SPATA7: variants seen among roughly 807,000 people sequenced by gnomAD.
SPATA7 encodes the protein spermatogenesis-associated protein 7.
In SPATA7, 43 loss-of-function variants were observed where a neutral mutation model predicts 51.8. The observed-to-expected ratio is 0.83, with a 90% confidence interval of 0.65 to 1.07. The LOEUF (loss-of-function observed/expected upper bound fraction) is 1.07, where lower values mean the gene tolerates loss of function less well. Among genes scored for constraint, SPATA7 ranks in the 50% least tolerant of loss-of-function variants. SPATA7 has a pLI of 0.00. For missense variants in SPATA7, 683 were observed against 701.3 expected (o/e 0.97, Z 0.30); for synonymous variants, 230 against 252.8 (o/e 0.91, Z 0.86).
downstream of SPATA7, among the ~76,000 whole-genome samples, chr14:88,440,404 TA>T (rs2077170396): frequency 6.6e-6 from 1 of 152,216 alleles, no homozygotes; most frequent in Non-Finnish European, 1.5e-5. Context: ...CTTTAAGTTT[TA>T]AAAGGTGAGT....
intron 2 of SPATA7, among the ~76,000 whole-genome samples, chr14:88,391,918 TC>T (rs2075757460): frequency 6.6e-6 from 1 of 152,260 alleles, no homozygotes; most frequent in African/African-American, 2.4e-5. Flanking sequence ...TTTAAAGCTT[TC>T]AAGGTACATT....
At chr14:88,442,701 T>C (rs893987447), downstream of SPATA7, among the ~76,000 whole-genome samples, 4 of 152,150 alleles carry the variant, frequency 2.6e-5, no homozygotes, top group African/African-American at 9.7e-5. Flanking sequence ...TAGGATTTCG[T>C]TGAGGATTTT....
intron 9 of SPATA7, chr14:88,432,637 T>G (rs983113504): frequency 2.6e-5 from 4 of 152,312 alleles, no homozygotes; most frequent in African/African-American, 9.6e-5. Context: ...TTCTCAACCT[T>G]AAAACAAGAT....
chr14:88,412,519 G>A (rs573110181), intron 4 of SPATA7, among the ~76,000 whole-genome samples: 8 of 152,098 alleles, frequency 5.3e-5, no homozygotes, highest in South Asian at 4.2e-4. Flanking sequence ...CTTTATGTTC[G>A]CTCGCAGCTG....
intron 3 of SPATA7, chr14:88,393,700 T>C (rs930161577): frequency 2.5e-6 from 1 of 394,958 alleles, no homozygotes; most frequent in Admixed American, 4.1e-5. Context: ...ATATTGCCTA[T>C]TTTATTTCGT....
rs1276801449 is a variant in SPATA7, at chr14:88,437,907, A to C, written c.1285A>C (p.Lys429Gln). 1 of 1,611,614 alleles carries C rather than the reference A, an allele frequency of 6.2e-7. No individual in the cohort carries two copies. Among genetic ancestry groups the C allele is most frequent in the Admixed American group, 1.7e-5 (1 of 59,792 alleles). The change falls in exon 12 of 12, where the codon AAG (lysine) becomes CAG (glutamine). Residue 429 changes from lysine (K) to glutamine (Q), a missense_variant. Lys to Gln is a moderately conservative substitution (Grantham distance 53, BLOSUM62 1). Transcript: ENST00000393545. ...CTGCACATCGGAGGAAAACTCGGTAAAGCAAAATGATGTTGATATGTTGAA... is the reference window on the plus strand; with the variant it reads ...CTGCACATCGGAGGAAAACTCGGTACAGCAAAATGATGTTGATATGTTGAA... Reference protein sequence around the residue: ...LGCTSEENSVKQNDVDMLNVF... With the variant: ...LGCTSEENSVQQNDVDMLNVF...
intron 4 of SPATA7, among the ~76,000 whole-genome samples, chr14:88,398,470 G>T (rs1287150426): frequency 7.8e-6 from 1 of 128,078 alleles, no homozygotes; most frequent in Non-Finnish European, 1.6e-5. Context: ...CACACTCTGG[G>T]GACTGTTGTG....
intron 4 of SPATA7, among the ~76,000 whole-genome samples, chr14:88,407,289 ACT>A (rs2076225381): frequency 1.3e-5 from 2 of 152,126 alleles, no homozygotes; most frequent in Admixed American, 6.5e-5. Context: ...TTGTTTCCTG[ACT>A]TTTTAATGAT....
At chr14:88,451,465 G>A (rs772391430) in intron 3 of SPATA7, among the ~76,000 whole-genome samples, 2 of 151,744 alleles carry the variant, frequency 1.3e-5, no homozygotes, top group Non-Finnish European at 2.9e-5. Flanking sequence ...CACTGCTCCC[G>A]GCCGTGATTG....
chr14:88,430,030 G>A (rs994319234), intron 8 of SPATA7, among the ~76,000 whole-genome samples: 19 of 151,924 alleles, frequency 1.3e-4, no homozygotes, highest in Non-Finnish European at 2.5e-4. Context: ...GAGTAATTAA[G>A]GAATATTATA....
At chr14:88,465,928 T>C (rs1200301633) in intron 4 of SPATA7, 1 of 151,314 alleles carries the variant, frequency 6.6e-6, no homozygotes, top group African/African-American at 2.5e-5. Context: ...AGTTTACTTA[T>C]CAAATTATTA....
intron 10 of SPATA7, among the ~76,000 whole-genome samples, chr14:88,437,173 C>T (rs556080215): frequency 6.7e-6 from 1 of 150,082 alleles, no homozygotes; most frequent in East Asian, 2.0e-4. Context: ...TATAAAATAT[C>T]TCTGTAAGAG....
At chr14:88,427,603 A>G in intron 6 of SPATA7, 27 bp from the exon 7 acceptor site, 1 of 1,496,794 alleles carries the variant, frequency 6.7e-7, no homozygotes, top group South Asian at 1.2e-5. Flanking sequence ...TGAAGGATTA[A>G]CAATTATTTA....
chr14:88,408,686 G>A (rs777323361), intron 4 of SPATA7, among the ~76,000 whole-genome samples: 9 of 147,134 alleles, frequency 6.1e-5, no homozygotes, highest in East Asian at 1.9e-4. Context: ...GTCTTGGGCC[G>A]GTTTTCAAAG....
chr14:88,460,853 C>G (rs766259857), intron 4 of SPATA7, among the ~76,000 whole-genome samples: 3 of 152,308 alleles, frequency 2.0e-5, no homozygotes, highest in African/African-American at 7.2e-5. Flanking sequence ...TCTATCTCTG[C>G]TCTTTGATGA....
Position 88,393,451 on chromosome 14 carries a change from C to T in SPATA7, c.153C>T (p.His51=), listed in dbSNP as rs764829955. 1.9e-6 allele frequency: 3 copies of T among 1,605,304 alleles called. No homozygotes were observed. In the African/African-American group the frequency reaches 4.0e-5, roughly 21 times the overall value. The change falls in exon 3 of 12, where the codon CAC becomes CAT. Residue 51 remains histidine, a synonymous_variant. Transcript: ENST00000393545. ...GCACTCTCCAGCTGGTCAAGAATCA[C>T]ATGGCTGTTCACTATAATAAAATCC... ...RLSTLQLVKN[H]MAVHYNKILS...
intron 1 of SPATA7, 132 bp downstream of exon 1, chr14:88,385,969 G>GT (rs1347452652): frequency 2.7e-5 from 41 of 1,529,632 alleles, no homozygotes; most frequent in Admixed American, 6.0e-5. Context: ...AGTCGCCAGT[G>GT]TTGCCTGGAG....
chr14:88,404,843 G>C (rs2076162942), intron 4 of SPATA7, among the ~76,000 whole-genome samples: 1 of 152,114 alleles, frequency 6.6e-6, no homozygotes, highest in South Asian at 2.1e-4. Context: ...TATATTTATT[G>C]GGCCCCTGCT....
Position 88,464,462 on chromosome 14 carries a change from A to G in SPATA7, c.255-5385A>G, listed in dbSNP as rs372563254. Reference sequence around the variant, plus strand: ...AGTCTGACTTACAGTCAGGCATGGTAGCTCATGCCTGTAATCCCAGCACTT... The same window carrying G: ...AGTCTGACTTACAGTCAGGCATGGTGGCTCATGCCTGTAATCCCAGCACTT... On this transcript the variant is annotated intron_variant, in intron 4 of 4. Coordinates refer to the SPATA7 transcript ENST00000556406. 1.1e-3 allele frequency among the ~76,000 whole-genome samples: 161 copies of G among 152,250 alleles called. 2 individuals carry two copies. In the East Asian group the frequency reaches 0.023, roughly 22 times the overall value.
Sources: gnomAD v4.1 joint callset for allele counts (sites outside exome capture counted in the v4.1 genomes callset) on GRCh38, gnomAD v4.1.1 for gene constraint, MANE v1.5 for transcripts, NCBI Gene and HGNC (gene_info 2026-07-23, HGNC 2026-07-21) for gene names.